Variants in NTRK2 observed in about 807,000 individuals in gnomAD.
NTRK2 encodes neurotrophic receptor tyrosine kinase 2, also known as BDNF/NT-3 growth factors receptor.
Under a neutral mutation model 94.5 loss-of-function variants are expected in NTRK2, and 13 were observed. The observed-to-expected ratio is 0.14, with a 90% CI of 0.09 to 0.22. The LOEUF is 0.22. Ranked by LOEUF, NTRK2 falls within the 10% of genes least tolerant of loss-of-function variation. NTRK2 has a pLI of 1.00. For synonymous variants in NTRK2, 372 were observed against 407.4 expected (o/e 0.91, Z 1.05); for missense variants, 639 against 1,071.2 (o/e 0.60, Z 5.63).
At chr9:84,705,656 T>C (rs1588072957) in intron 4 of NTRK2, among the ~76,000 whole-genome samples, 4 of 152,292 alleles carry the variant, frequency 2.6e-5, no homozygotes, top group South Asian at 4.1e-4. Context: ...AGCAGGTTTT[T>C]GGTTTTTCGT....
intron 12 of NTRK2, chr9:84,813,160 G>C: frequency 9.6e-7 from 1 of 1,045,490 alleles, no homozygotes; most frequent in Non-Finnish European, 1.2e-6. Flanking sequence ...CTCCAATAAA[G>C]GTTCTGGCAC....
intron 17 of NTRK2, among the ~76,000 whole-genome samples, chr9:84,992,184 T>C (rs963516598): frequency 6.6e-6 from 1 of 152,166 alleles, no homozygotes; most frequent in African/African-American, 2.4e-5. Flanking sequence ...TGGTGGCTGC[T>C]TGATACCTGG....
intron 14 of NTRK2, chr9:84,872,151 C>G: frequency 8.1e-7 from 1 of 1,234,090 alleles, no homozygotes; most frequent in South Asian, 2.1e-5. Context: ...TTAGACGTGT[C>G]TGAACACCAC....
intron 12 of NTRK2, among the ~76,000 whole-genome samples, chr9:84,832,159 T>C (rs2073591093): frequency 6.6e-6 from 1 of 152,320 alleles, no homozygotes; most frequent in East Asian, 1.9e-4. Context: ...TCCATATAAC[T>C]GGAAACCTAG....
intron 17 of NTRK2, among the ~76,000 whole-genome samples, chr9:84,984,378 A>T (rs893207713): frequency 6.6e-6 from 1 of 152,202 alleles, no homozygotes; most frequent in Admixed American, 6.5e-5. Flanking sequence ...TGGCTGAGGC[A>T]TGAGAATCGC....
intron 17 of NTRK2, among the ~76,000 whole-genome samples, chr9:84,999,920 C>T (rs1830152194): frequency 6.6e-6 from 1 of 152,122 alleles, no homozygotes; most frequent in Non-Finnish European, 1.5e-5. Context: ...GAACAGCCTC[C>T]CCAGCCCAGC....
chr9:84,926,267 T>C (rs977237101), intron 14 of NTRK2, among the ~76,000 whole-genome samples: 1 of 150,952 alleles, frequency 6.6e-6, no homozygotes, highest in Non-Finnish European at 1.5e-5. Flanking sequence ...AGTTTCACTC[T>C]TGTTGCCCAG....
chr9:84,683,741 A>G (rs1436251157), intron 2 of NTRK2, among the ~76,000 whole-genome samples: 1 of 152,112 alleles, frequency 6.6e-6, no homozygotes, highest in South Asian at 2.1e-4. Context: ...TATTTCTGAG[A>G]CTAGATCCTT....
intron 14 of NTRK2, among the ~76,000 whole-genome samples, chr9:84,886,983 G>T (rs542181708): frequency 1.3e-5 from 2 of 152,266 alleles, no homozygotes; most frequent in East Asian, 3.9e-4. Flanking sequence ...TTCTTGACTG[G>T]CTTAATGAAA....
At chr9:84,675,324 C>CTTTTTTTTTTTTTT (rs536445167) in intron 2 of NTRK2, among the ~76,000 whole-genome samples, 20 of 67,324 alleles carry the variant, frequency 3.0e-4, no homozygotes, top group East Asian at 1.1e-3. Context: ...TCTTTCTTTC[C>CTTTTTTTTTTTTTT]TTTTTTTTTT....
chr9:84,844,731 T>C (rs879218750), intron 12 of NTRK2, among the ~76,000 whole-genome samples: 52 of 150,304 alleles, frequency 3.5e-4, no homozygotes, highest in African/African-American at 1.1e-3. Flanking sequence ...TCGTGGCTAT[T>C]GCTATTGGCT....
At chr9:84,884,345 G>T (rs369993569) in intron 14 of NTRK2, among the ~76,000 whole-genome samples, 15 of 152,290 alleles carry the variant, frequency 9.8e-5, no homozygotes, top group African/African-American at 3.6e-4. Flanking sequence ...ATGTAAGGAA[G>T]AGTTAGAAAA....
At chr9:84,898,436 G>A (rs2076824106) in intron 14 of NTRK2, among the ~76,000 whole-genome samples, 1 of 152,182 alleles carries the variant, frequency 6.6e-6, no homozygotes, top group African/African-American at 2.4e-5. Flanking sequence ...TTACACAGTG[G>A]CTTAAAACAC....
chr9:84,699,239 T>C (rs575202662), intron 2 of NTRK2, among the ~76,000 whole-genome samples: 15 of 152,180 alleles, frequency 9.9e-5, no homozygotes, highest in Admixed American at 2.0e-4. Flanking sequence ...GGTTTCACCA[T>C]GTTAGCCAGG....
intron 12 of NTRK2, among the ~76,000 whole-genome samples, chr9:84,857,479 T>C (rs1260593508): frequency 1.3e-5 from 2 of 152,184 alleles, no homozygotes; most frequent in Non-Finnish European, 2.9e-5. Context: ...AAATTTTGCT[T>C]GTGAAATTTA....
At chr9:84,778,198 G>A (rs1436774748) in intron 12 of NTRK2, among the ~76,000 whole-genome samples, 1 of 151,514 alleles carries the variant, frequency 6.6e-6, no homozygotes, top group Non-Finnish European at 1.5e-5. Context: ...GGGAGGCAGA[G>A]GTTGCAGAGA....
In NTRK2 at chr9:85,016,723, G is replaced by T. The variant is rs77557622; in HGVS notation, c.2173-3483G>T. 4.6e-5 allele frequency among the ~76,000 whole-genome samples: 7 copies of T among 152,254 alleles called. No homozygotes were observed. In the East Asian group the frequency reaches 1.4e-3, roughly 29 times the overall value. ...AAAATTCTGAGAAAGGGTTGCAAAA[G>T]AAATGTTCAGAAATGTACTAAATGG... On this transcript the variant is annotated intron_variant, in intron 17 of 18. Coordinates refer to ENST00000277120, the MANE Select transcript of NTRK2 (RefSeq NM_006180.6).
At chr9:84,956,680 T>C (rs1286380712) in intron 17 of NTRK2, among the ~76,000 whole-genome samples, 2 of 152,152 alleles carry the variant, frequency 1.3e-5, no homozygotes, top group Non-Finnish European at 2.9e-5. Context: ...CTTCTCATTG[T>C]TATTTATTTT....
intron 16 of NTRK2, 86 bp downstream of exon 16, chr9:84,948,720 C>T: frequency 8.3e-7 from 1 of 1,202,862 alleles, no homozygotes. Context: ...GAACAAGGGA[C>T]CCCTGGACCT....
Sources: allele counts gnomAD v4.1 joint callset (sites outside exome capture counted in the v4.1 genomes callset), GRCh38; gene constraint gnomAD v4.1.1; transcripts MANE v1.5; gene names NCBI Gene and HGNC (gene_info 2026-07-23, HGNC 2026-07-21).